NRF1: variants seen among roughly 807,000 people sequenced by gnomAD.
NRF1 encodes nuclear respiratory factor 1.
NRF1 carries 5 observed loss-of-function variants against 58.5 expected under a neutral mutation model. That is an observed-to-expected ratio of 0.09 (90% CI 0.04 to 0.18). The LOEUF is 0.18. Among genes scored for constraint, NRF1 ranks in the 10% least tolerant of loss-of-function variants. NRF1 has a pLI of 1.00. For synonymous variants in NRF1, 224 were observed against 246.7 expected (o/e 0.91, Z 0.86); for missense variants, 288 against 657.7 (o/e 0.44, Z 6.15).
At chr7:129,676,539 C>T (rs1476515222) in intron 3 of NRF1, among the ~76,000 whole-genome samples, 1 of 152,210 alleles carries the variant, frequency 6.6e-6, no homozygotes, top group Non-Finnish European at 1.5e-5. Flanking sequence ...GCATTCAGAA[C>T]ACACACAACA....
At chr7:129,728,841 T>C (rs1803514051) in intron 10 of NRF1, among the ~76,000 whole-genome samples, 1 of 150,472 alleles carries the variant, frequency 6.6e-6, no homozygotes, top group Non-Finnish European at 1.5e-5. Context: ...TTTGTGCTTA[T>C]CTAAATCTAG....
intron 10 of NRF1, among the ~76,000 whole-genome samples, chr7:129,748,190 A>G (rs1255871192): frequency 7.2e-6 from 1 of 138,886 alleles, no homozygotes. Flanking sequence ...CAGGAGAATC[A>G]CTTGAACCTG....
Position 129,681,925 on chromosome 7 carries a change from A to C in NRF1, c.465+4167A>C, listed in dbSNP as rs553261011. On this transcript the variant is annotated intron_variant, in intron 4 of 10. Transcript: ENST00000393232. Reference sequence around the variant, plus strand: ...ACATAGTGGGACCTCATCTCTACAAAAAAAAAAAAAGCCAGGCATACTGGC... The same window carrying C: ...ACATAGTGGGACCTCATCTCTACAACAAAAAAAAAAGCCAGGCATACTGGC... Among the ~76,000 whole-genome samples the C allele has an allele frequency of 8.6e-5, 13 of 151,378 alleles. 1 individual carries two copies. In the East Asian group the frequency reaches 2.5e-3, roughly 29 times the overall value.
chr7:129,715,770 G>A (rs953106851), intron 8 of NRF1, among the ~76,000 whole-genome samples: 3 of 152,134 alleles, frequency 2.0e-5, no homozygotes, highest in Admixed American at 6.5e-5. Context: ...TTTGGGAGGC[G>A]GAGGCAGGTG....
chr7:129,684,977 C>T (rs1049140652), intron 4 of NRF1, among the ~76,000 whole-genome samples: 36 of 152,144 alleles, frequency 2.4e-4, no homozygotes, highest in Non-Finnish European at 5.3e-4. Context: ...ATGAAGTCAA[C>T]ATAACTTCAG....
intron 10 of NRF1, among the ~76,000 whole-genome samples, chr7:129,740,541 T>A (rs968962389): frequency 1.3e-5 from 2 of 152,192 alleles, no homozygotes; most frequent in African/African-American, 4.8e-5. Flanking sequence ...TTCTCTTCTC[T>A]AGAATTACCA....
intron 1 of NRF1, among the ~76,000 whole-genome samples, chr7:129,632,977 T>G (rs1195984728): frequency 6.8e-6 from 1 of 147,548 alleles, no homozygotes; most frequent in Admixed American, 6.8e-5. Flanking sequence ...GACCCAGTTT[T>G]AAGGATTACA....
intron 10 of NRF1, among the ~76,000 whole-genome samples, chr7:129,754,418 A>G (rs2116333134): frequency 7.2e-6 from 1 of 139,136 alleles, no homozygotes; most frequent in African/African-American, 2.7e-5. Flanking sequence ...AGCTGTGGTC[A>G]CGCCACTGCA....
chr7:129,627,604 A>G (rs993663939), intron 1 of NRF1, among the ~76,000 whole-genome samples: 6 of 152,164 alleles, frequency 3.9e-5, no homozygotes, highest in Non-Finnish European at 8.8e-5. Flanking sequence ...AGGGCACCAA[A>G]TTCCATAGCT....
At chr7:129,682,469 AAAAC>A (rs950303122) in intron 4 of NRF1, among the ~76,000 whole-genome samples, 1 of 151,840 alleles carries the variant, frequency 6.6e-6, no homozygotes. Context: ...AAGGAAAAAA[AAAAC>A]AAAACAAAAA....
intron 4 of NRF1, among the ~76,000 whole-genome samples, chr7:129,687,068 A>C (rs1415534816): frequency 6.6e-6 from 1 of 152,230 alleles, no homozygotes; most frequent in African/African-American, 2.4e-5. Flanking sequence ...GGAAAATGTA[A>C]GTGAAATAAG....
At chr7:129,669,460 G>C (rs1016052142) in intron 2 of NRF1, among the ~76,000 whole-genome samples, 1 of 152,174 alleles carries the variant, frequency 6.6e-6, no homozygotes, top group African/African-American at 2.4e-5. Context: ...AGTGTGAGTT[G>C]ATGAATGGAT....
chr7:129,678,780 A>G (rs577714816), intron 4 of NRF1, among the ~76,000 whole-genome samples: 3 of 152,220 alleles, frequency 2.0e-5, no homozygotes, highest in Non-Finnish European at 4.4e-5. Flanking sequence ...GTAGTAGTAA[A>G]GATGATGCAA....
At chr7:129,744,259 C>G in intron 10 of NRF1, 1 of 1,541,480 alleles carries the variant, frequency 6.5e-7, no homozygotes, top group Non-Finnish European at 8.8e-7. Context: ...AAGAAGGAAG[C>G]AGCTGGAGGA....
intron 10 of NRF1, chr7:129,744,292 T>C: frequency 1.4e-6 from 2 of 1,407,470 alleles, no homozygotes; most frequent in Non-Finnish European, 9.8e-7. Flanking sequence ...GAGGCTGTCA[T>C]TCCAGGCGCT....
chr7:129,627,640 G>T (rs1800950276), intron 1 of NRF1, among the ~76,000 whole-genome samples: 1 of 152,146 alleles, frequency 6.6e-6, no homozygotes, highest in Non-Finnish European at 1.5e-5. Flanking sequence ...ATTGTGTGGG[G>T]TGCATTTCCA....
At chr7:129,689,320 A>G (rs1257849973) in intron 4 of NRF1, among the ~76,000 whole-genome samples, 1 of 152,174 alleles carries the variant, frequency 6.6e-6, no homozygotes, top group African/African-American at 2.4e-5. Flanking sequence ...AGTCCAGCCC[A>G]CTCAGCAGAC....
chr7:129,748,509 T>A (rs978490079), intron 10 of NRF1, among the ~76,000 whole-genome samples: 1 of 152,002 alleles, frequency 6.6e-6, no homozygotes, highest in African/African-American at 2.4e-5. Flanking sequence ...AGGGCCTAAT[T>A]CCAGACAGAG....
chr7:129,681,134 T>G (rs1228304366), intron 4 of NRF1, among the ~76,000 whole-genome samples: 1 of 152,154 alleles, frequency 6.6e-6, no homozygotes, highest in African/African-American at 2.4e-5. Context: ...TAGAAGTAGA[T>G]GTGTTGGTGG....
Sources: gnomAD v4.1 joint callset for allele counts (sites outside exome capture counted in the v4.1 genomes callset) on GRCh38, gnomAD v4.1.1 for gene constraint, MANE v1.5 for transcripts, NCBI Gene and HGNC (gene_info 2026-07-23, HGNC 2026-07-21) for gene names.